The following CSNK2B variants were observed in gnomAD, a reference collection of about 807,000 sequenced individuals.
CSNK2B encodes casein kinase II subunit beta.
Under a neutral mutation model 28.8 loss-of-function variants are expected in CSNK2B, and 2 were observed. The observed-to-expected ratio is 0.07, with a 90% CI of 0.03 to 0.22. The LOEUF is 0.22. CSNK2B is among the 10% of genes least tolerant of loss of function. The pLI is 1.00. For synonymous variants in CSNK2B, 89 were observed against 96.1 expected (o/e 0.93, Z 0.43); for missense variants, 107 against 277.9 (o/e 0.39, Z 4.37).
chr6:31,666,254 C>T, intron 1 of CSNK2B, 46 bp downstream of exon 1: 12 of 931,324 alleles, frequency 1.3e-5, no homozygotes, highest in Non-Finnish European at 1.5e-5. Context: ...TCGCTGGGAG[C>T]GGCACATGGG....
In CSNK2B at chr6:31,669,369, T is replaced by A; in HGVS notation, c.418T>A (p.Cys140Ser). 6.2e-7 allele frequency: 1 copy of A among 1,614,110 alleles called. No individual in the cohort carries two copies. The highest frequency in any genetic ancestry group is 8.5e-7 in the Non-Finnish European group (1 of 1,180,002). ...CATGGTGAAGCTCTACTGCCCCAAG[T>A]GCATGGATGTGTACACACCCAAGTC... Reference protein sequence around the residue: ...EAMVKLYCPKCMDVYTPKSSR... With the variant: ...EAMVKLYCPKSMDVYTPKSSR... The change falls in exon 6 of 7, where the codon TGC becomes AGC. Residue 140 changes from cysteine (C) to serine (S), a missense_variant. Cys to Ser is a moderately radical substitution (Grantham distance 112). Transcript: ENST00000375882. The surrounding 1 kb of genome is among the most constrained non-coding windows in gnomAD (Gnocchi z 4.8).
At chr6:31,668,751 A>G (rs1801973698) in intron 4 of CSNK2B, 97 bp downstream of exon 4, 2 of 1,127,028 alleles carry the variant, frequency 1.8e-6, no homozygotes, top group Non-Finnish European at 2.7e-6. Context: ...TAAGGAAGCT[A>G]GCTGAGAAGA....
intron 3 of CSNK2B, 178 bp downstream of exon 3, chr6:31,668,148 T>C (rs1216163671): frequency 1.5e-6 from 1 of 659,720 alleles, no homozygotes; most frequent in East Asian, 2.7e-5. Flanking sequence ...GTATATCACT[T>C]GTTCTCATGT....
chr6:31,668,447 G>A (rs893028868), intron 3 of CSNK2B, 92 bp from the exon 4 acceptor site: 2 of 1,130,548 alleles, frequency 1.8e-6, no homozygotes, highest in Non-Finnish European at 2.6e-6. Flanking sequence ...TAGGTGCTAG[G>A]CAAACTGAAT....
In CSNK2B at chr6:31,668,616, G is replaced by C; in HGVS notation, c.253G>C (p.Ala85Pro). ...AAEMLYGLIH[A>P]RYILTNRGIA... Reference sequence around the variant, plus strand: ...CGAGATGCTTTATGGATTGATCCACGCCCGCTACATCCTTACCAACCGTGG... The same window carrying C: ...CGAGATGCTTTATGGATTGATCCACCCCCGCTACATCCTTACCAACCGTGG... Residue 85 changes from alanine (A) to proline (P), a missense_variant, in exon 4 of 7, where the codon GCC becomes CCC. By Grantham distance (27) the Ala-to-Pro change is conservative. Coordinates refer to ENST00000375882, the MANE Select transcript of CSNK2B (RefSeq NM_001320.7). 6.2e-7 allele frequency: 1 copy of C among 1,613,052 alleles called. No individual in the cohort carries two copies. Among genetic ancestry groups the C allele is most frequent in the Non-Finnish European group, 8.5e-7 (1 of 1,180,026 alleles).
Position 31,666,831 on chromosome 6 carries a change from G to A in CSNK2B, c.-1G>A, listed in dbSNP as rs144133926. 1 of 1,612,894 alleles carries A rather than the reference G, an allele frequency of 6.2e-7. No individual in the cohort carries two copies. Among genetic ancestry groups the A allele is most frequent in the Non-Finnish European group, 8.5e-7 (1 of 1,179,094 alleles). On this transcript the variant is annotated 5_prime_UTR_variant, in exon 2 of 7. Coordinates refer to ENST00000375882, the MANE Select transcript of CSNK2B (RefSeq NM_001320.7). ...CTGTTCTTTTTCTAGCTGACGTGAA[G>A]ATGAGCAGCTCAGAGGAGGTGTCCT...
In CSNK2B at chr6:31,669,784, G is replaced by C; in HGVS notation, c.558-52G>C. The C allele has an allele frequency of 1.4e-6, 2 of 1,481,176 alleles. No individual in the cohort carries two copies. Among genetic ancestry groups the C allele is most frequent in the Non-Finnish European group, 1.9e-6 (2 of 1,080,254 alleles). The allele number at this position is 1,481,176 out of a possible 1,614,324, so 91.8% of individuals were successfully genotyped here. ...GAGGTGGGAATGCAGGTGACTGGCA[G>C]GGCCTGGATGGGGCTCATGCTGCTG... On this transcript the variant is annotated intron_variant, in intron 6 of 6. Transcript: ENST00000375882. The surrounding 1 kb of genome is among the most constrained non-coding windows in gnomAD (Gnocchi z 4.8).
Position 31,666,885 on chromosome 6 carries a change from C to T in CSNK2B, c.54C>T (p.Gly18=), listed in dbSNP as rs1451896934. The T allele has an allele frequency of 6.2e-7, 1 of 1,613,914 alleles. No homozygotes were observed. The highest frequency in any genetic ancestry group is 1.3e-5 in the African/African-American group (1 of 74,916). ...TTTCCTGGTTCTGTGGGCTCCGTGGCAATGAATTCTTCTGTGAAGTGAGTT... is the reference window on the plus strand; with the variant it reads ...TTTCCTGGTTCTGTGGGCTCCGTGGTAATGAATTCTTCTGTGAAGTGAGTT... ...SWISWFCGLR[G]NEFFCEVDED... is the part of the protein sequence containing the mutation. Residue 18 remains glycine (G), a synonymous_variant, in exon 2 of 7, where the codon GGC becomes GGT. Coordinates refer to ENST00000375882, the MANE Select transcript of CSNK2B (RefSeq NM_001320.7).
At chr6:31,666,624 A>G (rs972123507) in intron 1 of CSNK2B, 197 bp from the exon 2 acceptor site, 3 of 593,282 alleles carry the variant, frequency 5.1e-6, no homozygotes, top group South Asian at 4.2e-5. Flanking sequence ...TGGGACCCCA[A>G]AGAATGTTTA....
chr6:31,667,160 C>T (rs1272907033), intron 2 of CSNK2B: 4 of 649,024 alleles, frequency 6.2e-6, no homozygotes, highest in Non-Finnish European at 8.5e-6. Context: ...GAGACTGGGT[C>T]TCACTCTGTC....
intron 3 of CSNK2B, 34 bp downstream of exon 3, chr6:31,668,004 C>T (rs772852306): frequency 2.5e-5 from 34 of 1,364,622 alleles, no homozygotes; most frequent in Non-Finnish European, 3.2e-5. Flanking sequence ...TGTGTGTGTG[C>T]GTGCACTATT....
At position 31,667,033 on chromosome 6, in the gene CSNK2B, C is replaced by T. The variant is rs767504761; in HGVS notation, c.72+130C>T. ...AACTTCCTATCAGCAAAGAGTCCCC[C>T]CTATAAACCCCGACGAACCTGTGCT... On this transcript the variant is annotated intron_variant, in intron 2 of 6. Coordinates refer to ENST00000375882, the MANE Select transcript of CSNK2B (RefSeq NM_001320.7). 6 of 821,950 alleles carry T rather than the reference C, an allele frequency of 7.3e-6. No homozygotes were observed. The Middle Eastern group carries it at 8.7e-4, about 119-fold the overall frequency. The allele number at this position is 821,950 out of a possible 1,614,324, so 50.9% of individuals were successfully genotyped here. A position where few individuals can be genotyped will look rare whatever the true frequency, so the allele number is the denominator to read the frequency against.
At position 31,669,991 on chromosome 6, in the gene CSNK2B, C is replaced by T; in HGVS notation, c.*65C>T. The T allele has an allele frequency of 7.5e-7, 1 of 1,338,732 alleles. No homozygotes were observed. Among genetic ancestry groups the T allele is most frequent in the Non-Finnish European group, 1.0e-6 (1 of 967,538 alleles). The allele number at this position is 1,338,732 out of a possible 1,614,324, so 82.9% of individuals were successfully genotyped here. A position where few individuals can be genotyped will look rare whatever the true frequency, so the allele number is the denominator to read the frequency against. The stretch of plus-strand genomic sequence containing the variant: ...TTCTTTTTTGCCACCCTTTCAGGAA[C>T]CCTGTATGGTTTTTAGTTTAAATTA... On this transcript the variant is annotated 3_prime_UTR_variant, in exon 7 of 7. Coordinates refer to ENST00000375882, the MANE Select transcript of CSNK2B (RefSeq NM_001320.7). This position sits in a 1 kb window ranked among gnomAD's most constrained non-coding sequence, Gnocchi z 4.8.
chr6:31,666,641 A>G (rs529092824), intron 1 of CSNK2B, among the ~76,000 whole-genome samples, 180 bp from the exon 2 acceptor site: 5 of 152,258 alleles, frequency 3.3e-5, no homozygotes, highest in Admixed American at 3.3e-4. Flanking sequence ...TTTAACTTCA[A>G]AGAAAAGGGG....
chr6:31,668,448 C>A (rs1324997844), intron 3 of CSNK2B, 91 bp from the exon 4 acceptor site: 4 of 1,145,846 alleles, frequency 3.5e-6, no homozygotes, highest in Non-Finnish European at 5.2e-6. Flanking sequence ...AGGTGCTAGG[C>A]AAACTGAATA....
Position 31,668,645 on chromosome 6 carries a change from C to T in CSNK2B, c.282C>T (p.Ile94=), listed in dbSNP as rs1400945329. The stretch of plus-strand genomic sequence containing the variant: ...GCTACATCCTTACCAACCGTGGCAT[C>T]GCCCAGATGGTGAGGCCTCTCTGCT... The part of the protein sequence containing the change: ...HARYILTNRG[I]AQMLEKYQQG... Residue 94 remains isoleucine, a synonymous_variant, in exon 4 of 7, where the codon ATC becomes ATT. Transcript: ENST00000375882. 8.1e-6 allele frequency: 13 copies of T among 1,612,940 alleles called. No individual in the cohort carries two copies. In the East Asian group the frequency reaches 1.6e-4, roughly 19 times the overall value.
intron 2 of CSNK2B, 121 bp downstream of exon 2, chr6:31,667,024 A>G (rs765280799): frequency 7.8e-6 from 7 of 892,082 alleles, no homozygotes; most frequent in South Asian, 7.0e-5. Context: ...CTATCAGCAA[A>G]GAGTCCCCCC....
Position 31,666,923 on chromosome 6 carries a change from C to T in CSNK2B, c.72+20C>T, listed in dbSNP as rs1801763785. On this transcript the variant is annotated intron_variant, in intron 2 of 6. Coordinates refer to ENST00000375882, the MANE Select transcript of CSNK2B (RefSeq NM_001320.7). Reference sequence around the variant, plus strand: ...TGTGAAGTGAGTTCTCTTCAACCTCCCTACTTGCCAGCTTCACATATCTTC... The same window carrying T: ...TGTGAAGTGAGTTCTCTTCAACCTCTCTACTTGCCAGCTTCACATATCTTC... The T allele has an allele frequency of 1.3e-6, 2 of 1,593,800 alleles. No homozygotes were observed. Among genetic ancestry groups the T allele is most frequent in the African/African-American group, 1.3e-5 (1 of 74,438 alleles).
intron 1 of CSNK2B, chr6:31,666,600 C>T (rs369070655): frequency 8.6e-6 from 5 of 582,984 alleles, no homozygotes; most frequent in African/African-American, 5.6e-5. Flanking sequence ...TATCTGTTGG[C>T]TTCTTTCAAG....
Sources: gnomAD v4.1 joint callset for allele counts (sites outside exome capture counted in the v4.1 genomes callset) on GRCh38, gnomAD v4.1.1 for gene constraint, Gnocchi (gnomAD v3.1) non-coding constraint, MANE v1.5 for transcripts, NCBI Gene and HGNC (gene_info 2026-07-23, HGNC 2026-07-21) for gene names.